IGF1R: variants seen among roughly 807,000 people sequenced by gnomAD.
IGF1R encodes the protein insulin like growth factor 1 receptor.
In IGF1R, 44 loss-of-function variants were observed where a neutral mutation model predicts 144.6. That is an observed-to-expected ratio of 0.30 (90% CI 0.24 to 0.39). IGF1R has a LOEUF of 0.39. IGF1R is among the 10% of genes least tolerant of loss of function. The probability of loss-of-function intolerance (pLI) is 1.00; values close to 1 mark genes in which losing one functional copy is unlikely to be tolerated. For synonymous variants in IGF1R, 795 were observed against 722.8 expected (o/e 1.10, Z -1.60); for missense variants, 1,355 against 1,833.7 (o/e 0.74, Z 4.77).
intron 20 of IGF1R, among the ~76,000 whole-genome samples, chr15:98,955,056 T>G (rs1385126176): frequency 6.6e-6 from 1 of 152,214 alleles, no homozygotes; most frequent in Non-Finnish European, 1.5e-5. Flanking sequence ...ATGAATTTTG[T>G]AATCTTGGAC....
At chr15:98,893,415 G>A (rs1236054204) in intron 3 of IGF1R, 1 of 152,196 alleles carries the variant, frequency 6.6e-6, no homozygotes, top group Non-Finnish European at 1.5e-5. Flanking sequence ...ACTTCAATGA[G>A]CTGTAGAGGA....
intron 2 of IGF1R, among the ~76,000 whole-genome samples, chr15:98,883,497 C>G (rs28672978): frequency 0.32 from 48,845 of 152,132 alleles, 8,715 homozygotes; most frequent in East Asian, 0.56. Flanking sequence ...AATAGCCAAG[C>G]TGTAATACGG....
intron 2 of IGF1R, among the ~76,000 whole-genome samples, chr15:98,744,152 A>G (rs1427330827): frequency 6.6e-6 from 1 of 151,912 alleles, no homozygotes; most frequent in African/African-American, 2.4e-5. Flanking sequence ...CACATGAGAT[A>G]ATTCTGGGGA....
chr15:98,734,621 G>A (rs1035896311), intron 2 of IGF1R: 1 of 152,208 alleles, frequency 6.6e-6, no homozygotes, highest in Non-Finnish European at 1.5e-5. Context: ...TGCTTGCTAA[G>A]TAAGTGTGTG....
chr15:98,686,924 C>G (rs1433270747), intron 1 of IGF1R, among the ~76,000 whole-genome samples: 2 of 152,178 alleles, frequency 1.3e-5, no homozygotes, highest in Admixed American at 1.3e-4. Context: ...TCCACCTGAA[C>G]CTCCCAAAGT....
intron 1 of IGF1R, among the ~76,000 whole-genome samples, chr15:98,654,911 C>T (rs547699639): frequency 1.3e-5 from 2 of 152,274 alleles, no homozygotes; most frequent in East Asian, 1.9e-4. Flanking sequence ...TGGTGTTTGG[C>T]ATCAGCTTAG....
chr15:98,666,697 G>A (rs2052748001), intron 1 of IGF1R, among the ~76,000 whole-genome samples: 1 of 152,262 alleles, frequency 6.6e-6, no homozygotes, highest in East Asian at 1.9e-4. Flanking sequence ...CACATTCATA[G>A]AGACGGAAAG....
At position 98,961,775 on chromosome 15, in the gene IGF1R, G is replaced by T. The variant is rs2017235960; in HGVS notation, c.*4333G>T. ...AGACCACCCCAGGTCTCCTTCGTGG[G>T]ATGTCATGACGTTTGACATACCTTT... On this transcript the variant is annotated 3_prime_UTR_variant, in exon 21 of 21. Transcript: ENST00000650285. 1 of 233,368 alleles carries T rather than the reference G, an allele frequency of 4.3e-6. No homozygotes were observed. Among genetic ancestry groups the T allele is most frequent in the African/African-American group, 2.2e-5 (1 of 45,348 alleles). The allele number at this position is 233,368 out of a possible 1,614,324, so 14.5% of individuals were successfully genotyped here. A position where few individuals can be genotyped will look rare whatever the true frequency, so the allele number is the denominator to read the frequency against.
At chr15:98,651,575 T>G (rs966604217) in intron 1 of IGF1R, among the ~76,000 whole-genome samples, 1 of 152,256 alleles carries the variant, frequency 6.6e-6, no homozygotes, top group African/African-American at 2.4e-5. Context: ...GTTCTGAAAT[T>G]CAAAACAGCA....
chr15:98,810,698 G>A (rs1596322197), intron 2 of IGF1R, among the ~76,000 whole-genome samples: 1 of 151,994 alleles, frequency 6.6e-6, no homozygotes, highest in African/African-American at 2.4e-5. Flanking sequence ...ACAGGCGCCC[G>A]CCACCACGCC....
At chr15:98,736,204 C>T (rs1027578497) in intron 2 of IGF1R, among the ~76,000 whole-genome samples, 1 of 152,212 alleles carries the variant, frequency 6.6e-6, no homozygotes, top group Non-Finnish European at 1.5e-5. Context: ...GCTTCTGTCG[C>T]TGCTGCTGGT....
intron 2 of IGF1R, among the ~76,000 whole-genome samples, chr15:98,867,154 G>GGAGA (rs60863950): frequency 0.017 from 2,417 of 146,204 alleles, 32 homozygotes; most frequent in Non-Finnish European, 0.023. Flanking sequence ...AGAGAAAGGG[G>GGAGA]GAGAGAGAGA....
chr15:98,923,409 G>A (rs1308458648), intron 11 of IGF1R, among the ~76,000 whole-genome samples: 1 of 152,252 alleles, frequency 6.6e-6, no homozygotes, highest in Non-Finnish European at 1.5e-5. Context: ...GGCCACGGAG[G>A]GTCCCTGTCA....
intron 2 of IGF1R, among the ~76,000 whole-genome samples, chr15:98,747,879 A>G (rs1446438243): frequency 6.6e-6 from 1 of 152,244 alleles, no homozygotes; most frequent in Non-Finnish European, 1.5e-5. Context: ...ACTGACGCTT[A>G]AAAATATCAC....
At chr15:98,889,978 G>A in intron 2 of IGF1R, among the ~76,000 whole-genome samples, 1 of 152,218 alleles carries the variant, frequency 6.6e-6, no homozygotes, top group Non-Finnish European at 1.5e-5. Context: ...AAGGCTGACA[G>A]CCCACAGAGT....
chr15:98,735,829 C>G (rs184628434), intron 2 of IGF1R, among the ~76,000 whole-genome samples: 3 of 152,210 alleles, frequency 2.0e-5, no homozygotes, highest in Non-Finnish European at 4.4e-5. Context: ...GGGATACTTA[C>G]AGTGGTGCTC....
intron 2 of IGF1R, among the ~76,000 whole-genome samples, chr15:98,819,218 C>A (rs2056758723): frequency 4.6e-5 from 7 of 152,180 alleles, no homozygotes; most frequent in Admixed American, 4.6e-4. Flanking sequence ...CTACTTGTAG[C>A]TTCCCTGTCG....
At chr15:98,947,535 T>G (rs995718252) in intron 19 of IGF1R, among the ~76,000 whole-genome samples, 1 of 152,126 alleles carries the variant, frequency 6.6e-6, no homozygotes, top group Non-Finnish European at 1.5e-5. Context: ...GTGAACCACA[T>G]GGAAAGGCAC....
chr15:98,863,620 A>G (rs913281217), intron 2 of IGF1R, among the ~76,000 whole-genome samples: 2 of 152,240 alleles, frequency 1.3e-5, no homozygotes, highest in Non-Finnish European at 2.9e-5. Context: ...GACAATTACT[A>G]GTCACATGAA....
Sources: gnomAD v4.1 joint callset for allele counts (sites outside exome capture counted in the v4.1 genomes callset) on GRCh38, gnomAD v4.1.1 for gene constraint, MANE v1.5 for transcripts, NCBI Gene and HGNC (gene_info 2026-07-23, HGNC 2026-07-21) for gene names.